NRG1: variants seen among roughly 807,000 people sequenced by gnomAD.
NRG1 encodes the protein neuregulin 1.
NRG1 carries 18 observed loss-of-function variants against 63.8 expected under a neutral mutation model. That is an observed-to-expected ratio of 0.28 (90% CI 0.19 to 0.42). The LOEUF (loss-of-function observed/expected upper bound fraction) is 0.42. Ranked by LOEUF, NRG1 falls within the 10% of genes least tolerant of loss-of-function variation. The pLI is 1.00. For synonymous variants in NRG1, 302 were observed against 301.3 expected, an observed-to-expected ratio of 1.00 and a Z score of -0.02; for missense variants, 762 against 814.7, an observed-to-expected ratio of 0.94 and a Z score of 0.79.
intron 1 of NRG1, among the ~76,000 whole-genome samples, chr8:32,071,149 T>A (rs1825706071): frequency 6.6e-6 from 1 of 152,238 alleles, no homozygotes; most frequent in African/African-American, 2.4e-5. Flanking sequence ...TGGTGCTTGC[T>A]TATTTACATG....
At chr8:32,141,904 T>A (rs2131737319) in intron 1 of NRG1, among the ~76,000 whole-genome samples, 1 of 152,150 alleles carries the variant, frequency 6.6e-6, no homozygotes, top group Admixed American at 6.5e-5. Flanking sequence ...ATTTTCCTGA[T>A]GCTGTAAAGC....
At position 32,382,143 on chromosome 8, in the gene NRG1, A is replaced by G. The variant is rs1810436554; in HGVS notation, c.38-213685A>G. On this transcript the variant is annotated intron_variant, in intron 1 of 10. Transcript: ENST00000519301. Reference sequence around the variant, plus strand: ...ACTATTACTGCAGTCTTATGAAGTGAGTATTATGATCATTTCTAATCTTAT... The same window carrying G: ...ACTATTACTGCAGTCTTATGAAGTGGGTATTATGATCATTTCTAATCTTAT... 2.6e-5 allele frequency among the ~76,000 whole-genome samples: 4 copies of G among 152,210 alleles called. No individual in the cohort carries two copies. The South Asian group carries it at 8.3e-4, about 32-fold the overall frequency.
intron 1 of NRG1, among the ~76,000 whole-genome samples, chr8:31,940,756 G>C (rs1801628219): frequency 1.3e-5 from 2 of 151,944 alleles, no homozygotes; most frequent in South Asian, 2.1e-4. Context: ...GATTATTCAA[G>C]GCTACTATGA....
At chr8:31,954,169 G>A (rs531933893) in intron 1 of NRG1, among the ~76,000 whole-genome samples, 39 of 152,160 alleles carry the variant, frequency 2.6e-4, no homozygotes, top group Non-Finnish European at 5.1e-4. Flanking sequence ...CTAGTAGAAT[G>A]ATAAAATCAC....
intron 1 of NRG1, among the ~76,000 whole-genome samples, chr8:32,065,971 G>C (rs964059141): frequency 2.8e-4 from 43 of 152,272 alleles, no homozygotes; most frequent in African/African-American, 9.6e-4. Context: ...TCTTTTGGCC[G>C]CATAAATGTC....
At chr8:32,550,059 A>G (rs1315530556) in intron 1 of NRG1, among the ~76,000 whole-genome samples, 1 of 152,190 alleles carries the variant, frequency 6.6e-6, no homozygotes, top group Non-Finnish European at 1.5e-5. Flanking sequence ...TCTTACTGGT[A>G]TCACTGATAG....
chr8:32,742,915 G>A lies in NRG1; in HGVS notation c.691+182G>A. On this transcript the variant is annotated intron_variant, in intron 7 of 11. Transcript: ENST00000356819. The surrounding 1 kb of genome is among the most constrained non-coding windows in gnomAD (Gnocchi z 4.2). ...CAAAAGCAATTGTATTACTTCCTCT[G>A]TTCGCGACTAGTTGGCTCTGAGATA... 2 of 1,488,636 alleles carry A rather than the reference G, an allele frequency of 1.3e-6. No homozygotes were observed. Among genetic ancestry groups the A allele is most frequent in the Admixed American group, 2.1e-5 (1 of 47,014 alleles). 92.2% of individuals were successfully genotyped at this position (1,488,636 alleles called of 1,614,324 possible).
intron 1 of NRG1, among the ~76,000 whole-genome samples, chr8:32,238,478 A>T (rs931737237): frequency 1.3e-5 from 2 of 151,906 alleles, no homozygotes; most frequent in Admixed American, 1.3e-4. Flanking sequence ...GAAGGATAAA[A>T]CTCATTTCCT....
chr8:31,731,422 A>ACACACACACACACC (rs1814048981), intron 1 of NRG1, among the ~76,000 whole-genome samples: 1 of 150,224 alleles, frequency 6.7e-6, no homozygotes, highest in African/African-American at 2.5e-5. Flanking sequence ...TGTCATACAC[A>ACACACACACACACC]CACACACACA....
At chr8:31,874,682 A>G (rs1259460141) in intron 1 of NRG1, among the ~76,000 whole-genome samples, 1 of 152,178 alleles carries the variant, frequency 6.6e-6, no homozygotes, top group African/African-American at 2.4e-5. Context: ...GTTATCAAAT[A>G]GTAGGTCTTA....
At chr8:32,001,555 T>G (rs1186200945) in intron 1 of NRG1, among the ~76,000 whole-genome samples, 2 of 152,044 alleles carry the variant, frequency 1.3e-5, no homozygotes, top group Non-Finnish European at 2.9e-5. Flanking sequence ...CAATTATTTT[T>G]ATCATAATTT....
intron 5 of NRG1, among the ~76,000 whole-genome samples, chr8:32,655,040 G>A (rs1337581070): frequency 1.3e-5 from 2 of 152,044 alleles, no homozygotes; most frequent in African/African-American, 2.4e-5. Context: ...TAATATACAT[G>A]TCTTGAGGCT....
At chr8:31,848,556 A>AG (rs1343221925) in intron 1 of NRG1, among the ~76,000 whole-genome samples, 3 of 152,198 alleles carry the variant, frequency 2.0e-5, no homozygotes, top group Non-Finnish European at 4.4e-5. Flanking sequence ...GTCACGCAGC[A>AG]GGAGGCGAGC....
At chr8:31,859,890 G>T (rs917688718) in intron 1 of NRG1, among the ~76,000 whole-genome samples, 2 of 152,164 alleles carry the variant, frequency 1.3e-5, no homozygotes, top group African/African-American at 4.8e-5. Flanking sequence ...ATTTCCCATG[G>T]TGGGGAGGTA....
intron 1 of NRG1, among the ~76,000 whole-genome samples, chr8:31,738,356 A>T (rs540877744): frequency 5.3e-5 from 8 of 152,140 alleles, no homozygotes. Flanking sequence ...GGGTTCTTAC[A>T]TAGCTGAGTG....
intron 1 of NRG1, among the ~76,000 whole-genome samples, chr8:32,590,823 AG>A (rs1842399522): frequency 6.6e-6 from 1 of 152,214 alleles, no homozygotes; most frequent in African/African-American, 2.4e-5. Context: ...GATGAAAAAA[AG>A]TCATACAAAC....
chr8:31,948,557 C>A (rs1261407099), intron 1 of NRG1, among the ~76,000 whole-genome samples: 1 of 152,130 alleles, frequency 6.6e-6, no homozygotes, highest in Non-Finnish European at 1.5e-5. Flanking sequence ...ATTTACTGGA[C>A]ATGTTTATAA....
intron 1 of NRG1, among the ~76,000 whole-genome samples, chr8:32,215,932 T>C (rs906188823): frequency 2.6e-5 from 4 of 151,916 alleles, no homozygotes; most frequent in Non-Finnish European, 4.4e-5. Flanking sequence ...TCCCAGCTAC[T>C]TGGGAGTTTG....
At chr8:32,763,431 T>A (rs1589659687) in intron 11 of NRG1, 1 of 1,491,774 alleles carries the variant, frequency 6.7e-7, no homozygotes, top group East Asian at 2.3e-5. Context: ...GCTGAGAGGT[T>A]TCCAGGACCT....
Sources: allele counts gnomAD v4.1 joint callset (sites outside exome capture counted in the v4.1 genomes callset), GRCh38; gene constraint gnomAD v4.1.1; non-coding constraint Gnocchi (gnomAD v3.1); transcripts MANE v1.5; gene names NCBI Gene and HGNC (gene_info 2026-07-23, HGNC 2026-07-21).